Variants in LINGO2 observed in about 807,000 individuals in gnomAD.
The protein encoded by LINGO2 is leucine rich repeat and Ig domain containing 2.
A neutral mutation model predicts 30.6 loss-of-function variants in LINGO2; 14 were observed. The ratio of observed to expected loss-of-function variants is 0.46; its 90% CI spans 0.30 to 0.72. The LOEUF is 0.72. Among genes scored for constraint, LINGO2 ranks in the 30% least tolerant of loss-of-function variants. The pLI is 0.07. For synonymous variants in LINGO2, 317 were observed against 288.5 expected, an observed-to-expected ratio of 1.10 and a Z score of -1.00; for missense variants, 729 against 751.7, an observed-to-expected ratio of 0.97 and a Z score of 0.35.
chr9:28,093,482 G>GT (rs1260892806), intron 4 of LINGO2, among the ~76,000 whole-genome samples: 4 of 152,088 alleles, frequency 2.6e-5, no homozygotes, highest in African/African-American at 9.6e-5. Context: ...TTCATGGACT[G>GT]TATTTAGTGT....
At chr9:28,166,775 C>T (rs7031206) in intron 4 of LINGO2, among the ~76,000 whole-genome samples, 150,776 of 152,028 alleles carry the variant, frequency 0.99, 74,785 homozygotes, top group Middle Eastern at 1. Flanking sequence ...CTTTATTTCT[C>T]GGCAAAAAAC....
chr9:28,434,183 A>G (rs10812823), intron 2 of LINGO2, among the ~76,000 whole-genome samples: 64,084 of 151,028 alleles, frequency 0.42, 14,140 homozygotes, highest in East Asian at 0.6. Context: ...GATATAATGG[A>G]CTTTTGGGGA....
intron 1 of LINGO2, among the ~76,000 whole-genome samples, 164 bp downstream of exon 3, chr9:28,670,036 G>C (rs1203598066): frequency 6.6e-6 from 1 of 151,482 alleles, no homozygotes; most frequent in African/African-American, 2.4e-5. Context: ...AGTCACTTTG[G>C]GGCTAACAAA....
chr9:28,570,253 G>T (rs932556528), intron 1 of LINGO2, among the ~76,000 whole-genome samples: 4 of 151,722 alleles, frequency 2.6e-5, no homozygotes, highest in Non-Finnish European at 5.9e-5. Flanking sequence ...AACAGGAAAT[G>T]GTTTAGATAA....
intron 4 of LINGO2, among the ~76,000 whole-genome samples, chr9:28,288,864 T>C (rs1823615882): frequency 6.6e-6 from 1 of 152,198 alleles, no homozygotes; most frequent in Non-Finnish European, 1.5e-5. Context: ...TATTTAAGTA[T>C]TTTTCATGAA....
At chr9:28,028,478 A>T (rs1488069442) in intron 4 of LINGO2, among the ~76,000 whole-genome samples, 85 of 152,288 alleles carry the variant, frequency 5.6e-4, no homozygotes, top group African/African-American at 2.0e-3. Context: ...CTCATATACA[A>T]ATGTATATAC....
At chr9:29,104,503 CCT>C in the LINGO2 span, among the ~76,000 whole-genome samples, 9 of 152,114 alleles carry the variant, frequency 5.9e-5, no homozygotes, top group Admixed American at 5.9e-4. Context: ...GTCAATCAAA[CCT>C]CTTTTCTTTA....
intron 1 of LINGO2, among the ~76,000 whole-genome samples, chr9:28,595,495 T>A (rs1456136624): frequency 2.6e-5 from 4 of 152,118 alleles, no homozygotes; most frequent in African/African-American, 9.7e-5. Flanking sequence ...ATTTTCAAAA[T>A]ACAATTAATT....
chr9:28,669,055 C>T (rs1162646250), intron 1 of LINGO2, among the ~76,000 whole-genome samples: 2 of 151,926 alleles, frequency 1.3e-5, no homozygotes, highest in African/African-American at 4.8e-5. Flanking sequence ...GTTTAATTTA[C>T]CCTAGTTACC....
intron 4 of LINGO2, among the ~76,000 whole-genome samples, chr9:28,166,932 A>G (rs1452343): frequency 0.068 from 10,394 of 152,184 alleles, 443 homozygotes; most frequent in Middle Eastern, 0.12. Flanking sequence ...AATGCCACAG[A>G]CAGTCAATGA....
chr9:29,126,662 T>C, the LINGO2 span, among the ~76,000 whole-genome samples: 1 of 152,060 alleles, frequency 6.6e-6, no homozygotes, highest in Non-Finnish European at 1.5e-5. Context: ...CATCTAACTG[T>C]AGCTTAGACA....
At chr9:28,224,404 G>A (rs1821077443) in intron 4 of LINGO2, among the ~76,000 whole-genome samples, 1 of 152,098 alleles carries the variant, frequency 6.6e-6, no homozygotes, top group African/African-American at 2.4e-5. Context: ...ACATTTATAA[G>A]GGTACATGTA....
chr9:28,962,594 T>A, the LINGO2 span, among the ~76,000 whole-genome samples: 4 of 151,880 alleles, frequency 2.6e-5, no homozygotes, highest in Non-Finnish European at 1.5e-5. Flanking sequence ...TTTTAAAATA[T>A]TTTACTGTAA....
intron 4 of LINGO2, among the ~76,000 whole-genome samples, chr9:28,255,074 A>C (rs1822337569): frequency 6.6e-6 from 1 of 152,130 alleles, no homozygotes; most frequent in South Asian, 2.1e-4. Context: ...AGTAAATGAT[A>C]CTTATTCCTC....
chr9:28,079,959 G>A (rs1825728147), intron 4 of LINGO2, among the ~76,000 whole-genome samples: 1 of 152,146 alleles, frequency 6.6e-6, no homozygotes, highest in Admixed American at 6.5e-5. Context: ...AAAAATGCAG[G>A]TATCACTCTT....
chr9:28,986,875 T>G, the LINGO2 span, among the ~76,000 whole-genome samples: 10 of 151,976 alleles, frequency 6.6e-5, no homozygotes, highest in Middle Eastern at 3.2e-3. Context: ...AATCCTAAAT[T>G]TTAAAAATCA....
chr9:28,549,125 G>C (rs965626441), intron 1 of LINGO2, among the ~76,000 whole-genome samples: 6 of 151,904 alleles, frequency 3.9e-5, no homozygotes, highest in African/African-American at 1.4e-4. Context: ...TCTCTCTACA[G>C]GTTAACTATT....
At chr9:28,870,913 A>T in the LINGO2 span, among the ~76,000 whole-genome samples, 36 of 152,046 alleles carry the variant, frequency 2.4e-4, no homozygotes, top group Non-Finnish European at 4.9e-4. Flanking sequence ...GCGACAGAAA[A>T]TAGAAATTTT....
At chr9:29,004,866 C>A in the LINGO2 span, among the ~76,000 whole-genome samples, 2 of 151,924 alleles carry the variant, frequency 1.3e-5, no homozygotes, top group Non-Finnish European at 2.9e-5. Context: ...TTACCTGTAC[C>A]TCCTTGGACA....
Sources: gnomAD v4.1 joint callset for allele counts (sites outside exome capture counted in the v4.1 genomes callset) on GRCh38, gnomAD v4.1.1 for gene constraint, MANE v1.5 for transcripts, NCBI Gene and HGNC (gene_info 2026-07-23, HGNC 2026-07-21) for gene names.